CNTN4: variants seen among roughly 807,000 people sequenced by gnomAD.
CNTN4 encodes contactin-4.
A neutral mutation model predicts 122.5 loss-of-function variants in CNTN4; 77 were observed. That is an observed-to-expected ratio of 0.63 (90% CI 0.52 to 0.76). CNTN4 has a LOEUF of 0.76. Among genes scored for constraint, CNTN4 ranks in the 30% least tolerant of loss-of-function variants. The pLI is 0.00. For synonymous variants in CNTN4, 512 were observed against 447.0 expected (o/e 1.15, Z -1.83); for missense variants, 1,256 against 1,259.1 (o/e 1.00, Z 0.04).
chr3:2,205,497 A>C (rs970113863), intron 2 of CNTN4, among the ~76,000 whole-genome samples: 1 of 152,024 alleles, frequency 6.6e-6, no homozygotes, highest in Non-Finnish European at 1.5e-5. Context: ...CATGAACTGT[A>C]GGGACTTCTG....
chr3:2,905,951 T>C (rs1499134), intron 12 of CNTN4, among the ~76,000 whole-genome samples: 11,280 of 152,304 alleles, frequency 0.074, 467 homozygotes, highest in Middle Eastern at 0.14. Flanking sequence ...CCTCAGTGGA[T>C]GAATGGGCAA....
At chr3:2,260,135 A>G (rs192020570) in intron 2 of CNTN4, among the ~76,000 whole-genome samples, 20 of 152,260 alleles carry the variant, frequency 1.3e-4, no homozygotes, top group African/African-American at 4.1e-4. Flanking sequence ...GGGGATAGCA[A>G]TTCTTTTACT....
Position 2,382,863 on chromosome 3 carries a change from C to T in CNTN4, c.-89+43630C>T, listed in dbSNP as rs377188764. 3.8e-3 allele frequency among the ~76,000 whole-genome samples: 585 copies of T among 152,192 alleles called. 3 individuals are homozygous for T. Among genetic ancestry groups the T allele is most frequent in the African/African-American group, 0.013 (560 of 41,534 alleles). On this transcript the variant is annotated intron_variant, in intron 3 of 24. Coordinates refer to ENST00000418658, the MANE Select transcript of CNTN4 (RefSeq NM_175607.3). ...CCGAGGCGGGCGGATCACCTGAGGT[C>T]AGGAGTTCGAGACCAGCCTGGCCAA...
chr3:2,885,427 G>C (rs1029269014), intron 9 of CNTN4, among the ~76,000 whole-genome samples: 1 of 152,150 alleles, frequency 6.6e-6, no homozygotes, highest in Non-Finnish European at 1.5e-5. Flanking sequence ...CAAATGGACT[G>C]CTGTAAGTTG....
rs1320631322 is a variant in CNTN4 at position 2,736,216 on chromosome 3, T to C, written c.57T>C (p.Asp19=). The C allele has an allele frequency of 1.2e-6, 2 of 1,613,274 alleles. No individual in the cohort carries two copies. Among genetic ancestry groups the C allele is most frequent in the East Asian group, 2.2e-5 (1 of 44,812 alleles). ...GGACATTTTCTCTTCTCATTTCAGATGATTCCACACTGCATGGCCCGATTT... is the reference window on the plus strand; with the variant it reads ...GGACATTTTCTCTTCTCATTTCAGACGATTCCACACTGCATGGCCCGATTT... ...VLQSFILCLA[D]DSTLHGPIFI... The change falls in exon 5 of 25, where the codon GAT becomes GAC. Residue 19 remains aspartate, a splice_region_variant and synonymous_variant. Coordinates refer to ENST00000418658, the MANE Select transcript of CNTN4 (RefSeq NM_175607.3).
intron 2 of CNTN4, among the ~76,000 whole-genome samples, chr3:2,219,877 A>G (rs935202183): frequency 3.3e-5 from 5 of 152,156 alleles, no homozygotes; most frequent in African/African-American, 9.7e-5. Context: ...TGCCAAATTC[A>G]TACCATGCTT....
At chr3:2,186,011 A>G (rs1195042644) in intron 2 of CNTN4, among the ~76,000 whole-genome samples, 3 of 152,052 alleles carry the variant, frequency 2.0e-5, no homozygotes, top group Non-Finnish European at 2.9e-5. Flanking sequence ...TACATGAGCC[A>G]TGTTGCTGTG....
At chr3:2,491,069 A>G (rs901802160) in intron 3 of CNTN4, among the ~76,000 whole-genome samples, 1 of 152,208 alleles carries the variant, frequency 6.6e-6, no homozygotes, top group Non-Finnish European at 1.5e-5. Context: ...AAAGCAACAA[A>G]TATACTTCTT....
At chr3:2,511,676 G>A (rs905851696) in intron 3 of CNTN4, 1 of 152,196 alleles carries the variant, frequency 6.6e-6, no homozygotes, top group Non-Finnish European at 1.5e-5. Context: ...AAGCGAAACT[G>A]GGACATTTTA....
chr3:2,959,749 G>A (rs189734703), intron 13 of CNTN4, among the ~76,000 whole-genome samples: 24 of 151,812 alleles, frequency 1.6e-4, no homozygotes, highest in African/African-American at 5.6e-4. Context: ...TATTCCAGAC[G>A]TAAATTTCCC....
rs143184082 is a variant in CNTN4, at chr3:2,452,580, G to A, written c.-89+113347G>A. Among the ~76,000 whole-genome samples, 566 of 152,254 alleles carry A rather than the reference G, an allele frequency of 3.7e-3. 3 individuals carry two copies. The highest frequency in any genetic ancestry group is 0.019 in the South Asian group (93 of 4,826). ...TAACATTAGGTGGAGGAGGGCATGC[G>A]CACGGTTCCTGAAACTTAAATGCAT... On this transcript the variant is annotated intron_variant, in intron 3 of 24. Coordinates refer to ENST00000418658, the MANE Select transcript of CNTN4 (RefSeq NM_175607.3).
At chr3:2,406,036 A>T (rs146133742) in intron 3 of CNTN4, among the ~76,000 whole-genome samples, 1 of 151,774 alleles carries the variant, frequency 6.6e-6, no homozygotes, top group Non-Finnish European at 1.5e-5. Context: ...TAAAAAAAAG[A>T]AAAAAAACAG....
At chr3:2,616,048 G>A (rs1031156387) in intron 4 of CNTN4, among the ~76,000 whole-genome samples, 2 of 148,314 alleles carry the variant, frequency 1.3e-5, no homozygotes, top group South Asian at 2.1e-4. Context: ...ATTAAGTTCC[G>A]GTATACATGT....
intron 5 of CNTN4, among the ~76,000 whole-genome samples, chr3:2,744,547 A>C (rs893188933): frequency 6.6e-6 from 1 of 152,234 alleles, no homozygotes; most frequent in Non-Finnish European, 1.5e-5. Flanking sequence ...GGTAATTCAC[A>C]AACTCCTACT....
At chr3:2,599,327 A>G (rs1255179060) in intron 4 of CNTN4, among the ~76,000 whole-genome samples, 1 of 152,248 alleles carries the variant, frequency 6.6e-6, no homozygotes, top group Admixed American at 6.5e-5. Flanking sequence ...TGGTGAAGAA[A>G]GAATTTAAAA....
At chr3:2,304,117 T>G (rs946221458) in intron 2 of CNTN4, among the ~76,000 whole-genome samples, 10 of 152,206 alleles carry the variant, frequency 6.6e-5, no homozygotes. Context: ...TTAAGGATCA[T>G]TTGGTGAAAT....
intron 3 of CNTN4, among the ~76,000 whole-genome samples, chr3:2,456,410 G>A (rs1396840002): frequency 6.6e-6 from 1 of 152,012 alleles, no homozygotes; most frequent in East Asian, 1.9e-4. Flanking sequence ...CAATTCAGTG[G>A]CATTTAGTAC....
chr3:2,321,806 G>A (rs1354454153), intron 2 of CNTN4, among the ~76,000 whole-genome samples: 1 of 151,836 alleles, frequency 6.6e-6, no homozygotes, highest in Admixed American at 6.6e-5. Flanking sequence ...GGGTATTCCT[G>A]TTATAAGAGA....
In CNTN4 at chr3:3,037,270, C is replaced by G. The variant is rs753892049; in HGVS notation, c.2034C>G (p.Asn678Lys). 4 of 1,614,010 alleles carry G rather than the reference C, an allele frequency of 2.5e-6. No homozygotes were observed. Among genetic ancestry groups the G allele is most frequent in the Non-Finnish European group, 3.4e-6 (4 of 1,180,034 alleles). Reference protein sequence around the residue: ...VEYEFRTVAANVIGIGEPSRP... With the variant: ...VEYEFRTVAAKVIGIGEPSRP... Reference sequence around the variant, plus strand: ...ATGAATTCCGCACAGTTGCAGCCAACGTGATTGGGATTGGGGAGCCCAGCC... The same window carrying G: ...ATGAATTCCGCACAGTTGCAGCCAAGGTGATTGGGATTGGGGAGCCCAGCC... Residue 678 changes from asparagine (N) to lysine (K), a missense_variant, in exon 18 of 25, where the codon AAC becomes AAG. Physicochemically the swap from Asn to Lys is moderately conservative, Grantham distance 94 (BLOSUM62 0). Transcript: ENST00000418658.
Sources: gnomAD v4.1 joint callset for allele counts (sites outside exome capture counted in the v4.1 genomes callset) on GRCh38, gnomAD v4.1.1 for gene constraint, MANE v1.5 for transcripts, NCBI Gene and HGNC (gene_info 2026-07-23, HGNC 2026-07-21) for gene names.